UBE3B: variants seen among roughly 807,000 people sequenced by gnomAD.
UBE3B encodes ubiquitin protein ligase E3B, also known as ubiquitin-protein ligase E3B.
A neutral mutation model predicts 132.3 loss-of-function variants in UBE3B; 80 were observed. The ratio of observed to expected loss-of-function variants is 0.60; its 90% CI spans 0.50 to 0.73. The LOEUF (loss-of-function observed/expected upper bound fraction) is 0.73, where lower values mean the gene tolerates loss of function less well. Ranked by LOEUF, UBE3B falls within the 30% of genes least tolerant of loss-of-function variation. The probability of loss-of-function intolerance (pLI) is 0.00; values close to 1 mark genes in which losing one functional copy is unlikely to be tolerated. For synonymous variants in UBE3B, 487 were observed against 520.4 expected (o/e 0.94, Z 0.87); for missense variants, 1,196 against 1,362.5 (o/e 0.88, Z 1.92).
rs746934413 is a variant in UBE3B at position 109,534,725 on chromosome 12, C to G, written c.3150C>G (p.Val1050=). 6 of 1,604,670 alleles carry G rather than the reference C, an allele frequency of 3.7e-6. No individual in the cohort carries two copies. Among genetic ancestry groups the G allele is most frequent in the South Asian group, 2.2e-5 (2 of 89,766 alleles). The change falls in exon 28 of 28, where the codon GTC becomes GTG. Residue 1050 remains valine (V), a synonymous_variant. Transcript: ENST00000342494. The surrounding 1 kb of genome is among the most constrained non-coding windows in gnomAD (Gnocchi z 5.2). The part of the protein sequence containing the change: ...LKLPNYSKKS[V]LREKLRYAIS... The stretch of plus-strand genomic sequence containing the variant: ...TGCCCAACTACAGCAAGAAGAGCGT[C>G]CTCCGCGAGAAGCTGCGCTACGCCA...
At chr12:109,482,197 T>C (rs1875583914) in intron 2 of UBE3B, among the ~76,000 whole-genome samples, 1 of 152,244 alleles carries the variant, frequency 6.6e-6, no homozygotes, top group Admixed American at 6.5e-5. Flanking sequence ...TAAATTTCTT[T>C]GTATGGATGT....
rs945169406 is a variant in UBE3B, at chr12:109,534,024, C to T, written c.3015+466C>T. 1 of 1,295,106 alleles carries T rather than the reference C, an allele frequency of 7.7e-7. No individual in the cohort carries two copies. The highest frequency in any genetic ancestry group is 1.0e-6 in the Non-Finnish European group (1 of 993,062). The allele number at this position is 1,295,106 out of a possible 1,614,324, so 80.2% of individuals were successfully genotyped here. A position where few individuals can be genotyped will look rare whatever the true frequency, so the allele number is the denominator to read the frequency against. On this transcript the variant is annotated intron_variant, in intron 27 of 27. Coordinates refer to ENST00000342494, the MANE Select transcript of UBE3B (RefSeq NM_130466.4). The surrounding 1 kb of genome is among the most constrained non-coding windows in gnomAD (Gnocchi z 5.2). ...GGAAAGCCTTCAGGGTTACGGAGCTCTGTGTGTCTCAAGCCTGGCCCACTG... is the reference window on the plus strand; with the variant it reads ...GGAAAGCCTTCAGGGTTACGGAGCTTTGTGTGTCTCAAGCCTGGCCCACTG...
At chr12:109,507,532 C>G (rs1441851656) in intron 14 of UBE3B, 32 bp from the exon 15 acceptor site, 6 of 1,599,774 alleles carry the variant, frequency 3.8e-6, no homozygotes, top group Non-Finnish European at 8.5e-7. Context: ...GAGTCTCCAC[C>G]TGAAGCTTGG....
At chr12:109,510,232 C>A in intron 16 of UBE3B, 112 bp from the exon 17 acceptor site, 2 of 838,416 alleles carry the variant, frequency 2.4e-6, no homozygotes, top group Non-Finnish European at 3.7e-6. Context: ...ACATATAATT[C>A]AGAGCGAGGG....
intron 18 of UBE3B, among the ~76,000 whole-genome samples, chr12:109,514,897 A>G (rs1157589145): frequency 6.6e-6 from 1 of 150,522 alleles, no homozygotes; most frequent in African/African-American, 2.4e-5. Context: ...TCCACTCAGT[A>G]CCATCCCCTT....
rs1341753121 is a variant in UBE3B, at chr12:109,536,161, G to C, written c.*1379G>C. 6.6e-6 allele frequency: 1 copy of C among 152,262 alleles called. No homozygotes were observed. The highest frequency in any genetic ancestry group is 1.5e-5 in the Non-Finnish European group (1 of 68,060). The allele number at this position is 152,262 out of a possible 1,614,324, so 9.4% of individuals were successfully genotyped here. ...GTGTCCCACCCAGGTCGAGCCCCCA[G>C]GCTTCTGGAAAAGAGTGTGTGCTCT... On this transcript the variant is annotated 3_prime_UTR_variant, in exon 28 of 28. Coordinates refer to ENST00000342494, the MANE Select transcript of UBE3B (RefSeq NM_130466.4).
At chr12:109,544,448 C>T in the UBE3B span, among the ~76,000 whole-genome samples, 4 of 152,172 alleles carry the variant, frequency 2.6e-5, no homozygotes, top group Non-Finnish European at 5.9e-5. Context: ...AAGAACTGCC[C>T]TGGCAACATG....
the UBE3B span, among the ~76,000 whole-genome samples, chr12:109,541,854 T>C: frequency 6.6e-6 from 1 of 152,154 alleles, no homozygotes; most frequent in African/African-American, 2.4e-5. Flanking sequence ...CATATAGTCT[T>C]CCCTCTAGGG....
chr12:109,513,704 T>TG (rs1235239634), intron 18 of UBE3B, among the ~76,000 whole-genome samples: 8 of 152,118 alleles, frequency 5.3e-5, no homozygotes, highest in African/African-American at 1.9e-4. Flanking sequence ...TTTTTTCTTT[T>TG]GGGAATTTTG....
chr12:109,490,415 T>C (rs79115204), intron 8 of UBE3B: 1 of 1,528,142 alleles, frequency 6.5e-7, no homozygotes, highest in Non-Finnish European at 8.8e-7. Context: ...TGAGAAAGCC[T>C]GATTGCTGTT....
intron 23 of UBE3B, 62 bp downstream of exon 23, chr12:109,524,565 G>C: frequency 3.8e-6 from 6 of 1,564,066 alleles, no homozygotes; most frequent in Non-Finnish European, 5.3e-6. Context: ...GAGACCTGCC[G>C]TGTTATTTGT....
intron 14 of UBE3B, among the ~76,000 whole-genome samples, chr12:109,505,874 G>A (rs2135956690): frequency 6.6e-6 from 1 of 152,292 alleles, no homozygotes; most frequent in South Asian, 2.1e-4. Context: ...ATAATTCAGA[G>A]AGTGCCCTAT....
intron 8 of UBE3B, chr12:109,490,546 G>C: frequency 6.5e-7 from 1 of 1,536,088 alleles, no homozygotes; most frequent in Non-Finnish European, 8.7e-7. Context: ...ACAACCCTGT[G>C]AGGTGGTCCG....
intron 25 of UBE3B, 22 bp from the exon 26 acceptor site, chr12:109,530,525 C>T: frequency 6.2e-7 from 1 of 1,609,734 alleles, no homozygotes; most frequent in South Asian, 1.1e-5. Flanking sequence ...CATTGCTGAG[C>T]CCAGGTCTGT....
chr12:109,484,760 C>G (rs1184631016), intron 4 of UBE3B, among the ~76,000 whole-genome samples: 2 of 147,752 alleles, frequency 1.4e-5, no homozygotes, highest in Non-Finnish European at 3.0e-5. Context: ...TTCGTTCATT[C>G]ATTCTTTCAT....
At chr12:109,538,656 C>T (rs1592986046), downstream of UBE3B, among the ~76,000 whole-genome samples, 3 of 152,198 alleles carry the variant, frequency 2.0e-5, no homozygotes, top group Admixed American at 6.5e-5. This position sits in a 1 kb window ranked among gnomAD's most constrained non-coding sequence, Gnocchi z 4.1. Flanking sequence ...AGATCAGGCT[C>T]GGATTAAGCT....
At chr12:109,523,338 G>A (rs1469718778) in intron 21 of UBE3B, among the ~76,000 whole-genome samples, 1 of 152,216 alleles carries the variant, frequency 6.6e-6, no homozygotes, top group East Asian at 1.9e-4. Context: ...TAAAAGTGCA[G>A]CTCTGTCCCT....
At chr12:109,497,738 TGAGCACGTTG>T (rs1457841528) in intron 9 of UBE3B, 70 bp from the exon 10 acceptor site, 24 of 1,377,500 alleles carry the variant, frequency 1.7e-5, no homozygotes, top group Non-Finnish European at 2.5e-5. Context: ...TCTAGGAATT[TGAGCACGTTG>T]GTGGGGTTGT....
intron 8 of UBE3B, chr12:109,490,524 A>G (rs1877292643): frequency 1.3e-6 from 2 of 1,535,992 alleles, no homozygotes; most frequent in East Asian, 2.4e-5. Context: ...TTGGTTTCAT[A>G]TGCTCCTCAC....
Sources: gnomAD v4.1 joint callset for allele counts (sites outside exome capture counted in the v4.1 genomes callset) on GRCh38, gnomAD v4.1.1 for gene constraint, Gnocchi (gnomAD v3.1) non-coding constraint, MANE v1.5 for transcripts, NCBI Gene and HGNC (gene_info 2026-07-23, HGNC 2026-07-21) for gene names.